RBIS: variants seen among roughly 807,000 people sequenced by gnomAD.
RBIS encodes ribosomal biogenesis factor.
In RBIS, 9 loss-of-function variants were observed where a neutral mutation model predicts 9.8. That is an observed-to-expected ratio of 0.92 (90% confidence interval 0.56 to 1.61). The LOEUF is 1.61. Among genes scored for constraint, RBIS ranks in the 40% most tolerant of loss-of-function variants. RBIS has a pLI of 0.00. For synonymous variants in RBIS, 35 were observed against 37.9 expected, an observed-to-expected ratio of 0.92 and a Z score of 0.28; for missense variants, 103 against 116.0, an observed-to-expected ratio of 0.89 and a Z score of 0.51.
chr8:85,220,146 C>T (rs1207010138), intron 1 of RBIS, among the ~76,000 whole-genome samples, 160 bp downstream of exon 1: 3 of 152,210 alleles, frequency 2.0e-5, no homozygotes, highest in African/African-American at 7.2e-5. Context: ...GCCCAACAAG[C>T]ACCGGGGTTT....
rs1175518512 is a variant in RBIS, at chr8:85,214,703, T to C, written c.232-72A>G. 54 of 984,136 alleles carry C rather than the reference T, an allele frequency of 5.5e-5. 1 individual carries two copies. The highest frequency in any genetic ancestry group is 6.0e-5 in the Non-Finnish European group (37 of 620,380). 61.0% of individuals were successfully genotyped at this position (984,136 alleles called of 1,614,324 possible). A position where few individuals can be genotyped will look rare whatever the true frequency, so the allele number is the denominator to read the frequency against. ...GACAAATGACTTATATAAGCTGTTA[T>C]TCAATTTAATTTTTCTAGTCATATC... On this transcript the variant is annotated intron_variant, in intron 3 of 3. Transcript: ENST00000619594.
At chr8:85,216,910 C>A in intron 2 of RBIS, 1 of 166,206 alleles carries the variant, frequency 6.0e-6, no homozygotes, top group Non-Finnish European at 1.3e-5. Flanking sequence ...GAAAAGAAAC[C>A]CCTTTCAAAT....
Position 85,217,293 on chromosome 8 carries a change from C to A in RBIS, c.114+93G>T, listed in dbSNP as rs772308622. ...TACCTTTCTAGGAAAAATGAAGAAC[C>A]TTTTTAAAAAGTAATAGTATACAGC... is the stretch of plus-strand genomic sequence containing the variant. On this transcript the variant is annotated intron_variant, in intron 2 of 3. Coordinates refer to ENST00000619594, the MANE Select transcript of RBIS (RefSeq NM_001099673.3). 5.0e-6 allele frequency: 4 copies of A among 797,978 alleles called. No homozygotes were observed. In the South Asian group the frequency reaches 5.6e-5, roughly 11 times the overall value. The allele number at this position is 797,978 out of a possible 1,614,324, so 49.4% of individuals were successfully genotyped here. A position where few individuals can be genotyped will look rare whatever the true frequency, so the allele number is the denominator to read the frequency against.
intron 3 of RBIS, 32 bp downstream of exon 3, chr8:85,214,889 G>T: frequency 8.7e-7 from 1 of 1,150,370 alleles, no homozygotes; most frequent in Non-Finnish European, 1.3e-6. Flanking sequence ...CAATTTGTTA[G>T]CCATAAAAAA....
At chr8:85,217,792 A>T (rs1169580947) in intron 1 of RBIS, 1 of 384,926 alleles carries the variant, frequency 2.6e-6, no homozygotes, top group Non-Finnish European at 4.7e-6. Context: ...AATAACTGTT[A>T]TTCTCAGCAG....
rs556208081 is a variant in RBIS at position 85,214,515 on chromosome 8, T to C, written c.*45A>G. 3.2e-6 allele frequency: 4 copies of C among 1,242,308 alleles called. No individual in the cohort carries two copies. In the Admixed American group the frequency reaches 7.6e-5, roughly 24 times the overall value. 77.0% of individuals were successfully genotyped at this position (1,242,308 alleles called of 1,614,324 possible). On this transcript the variant is annotated 3_prime_UTR_variant, in exon 4 of 4. Transcript: ENST00000619594. ...TTAAAAATAAAATTGTATAAAACAT[T>C]CAATTTATTGGTCTTTGTGGAGAAT... is the stretch of plus-strand genomic sequence containing the variant.
At chr8:85,220,275 C>T (rs1284106750) in intron 1 of RBIS, 31 bp downstream of exon 1, 1 of 152,312 alleles carries the variant, frequency 6.6e-6, no homozygotes, top group Non-Finnish European at 1.5e-5. Flanking sequence ...CACGCCAGCC[C>T]TCCAGAAAAC....
At chr8:85,220,045 G>T (rs779998168) in intron 1 of RBIS, among the ~76,000 whole-genome samples, 2 of 152,160 alleles carry the variant, frequency 1.3e-5, no homozygotes, top group Admixed American at 6.5e-5. Context: ...ACTAGTGGGG[G>T]TGTGCGAGTG....
intron 1 of RBIS, chr8:85,217,731 G>A (rs572592219): frequency 1.9e-6 from 1 of 529,570 alleles, no homozygotes; most frequent in Admixed American, 3.4e-5. Flanking sequence ...TGGGCCCATA[G>A]GAGGCATCCA....
intron 2 of RBIS, among the ~76,000 whole-genome samples, chr8:85,216,604 G>T (rs950862919): frequency 2.0e-4 from 31 of 152,058 alleles, no homozygotes; most frequent in African/African-American, 6.8e-4. Context: ...TCTAGTCTTG[G>T]TTTCAATGTG....
intron 1 of RBIS, 72 bp downstream of exon 1, chr8:85,220,234 G>C (rs1384553943): frequency 2.0e-5 from 3 of 152,270 alleles, no homozygotes; most frequent in Admixed American, 2.0e-4. Flanking sequence ...GTACGAGACC[G>C]GCCCAATCCA....
chr8:85,217,340 A>G, intron 2 of RBIS, 46 bp downstream of exon 2: 1 of 1,095,146 alleles, frequency 9.1e-7, no homozygotes, highest in South Asian at 1.2e-5. Context: ...TTACAATGAC[A>G]CTTTGCTTGT....
chr8:85,215,580 A>G (rs941109351), intron 2 of RBIS: 1 of 152,246 alleles, frequency 6.6e-6, no homozygotes, highest in African/African-American at 2.4e-5. Context: ...AAATCTACAA[A>G]AGAACTGGGT....
Position 85,219,234 on chromosome 8 carries a change from A to T in RBIS, c.-4+1072T>A, listed in dbSNP as rs67573812. 114,895 of 152,148 alleles carry T rather than the reference A, an allele frequency of 0.76. 44,169 individuals carry two copies. The highest frequency in any genetic ancestry group is 0.85 in the African/African-American group (35,455 of 41,496). 9.4% of individuals were successfully genotyped at this position (152,148 alleles called of 1,614,324 possible). ...ACACCTTGAACATTCTTCCTTTTTTACCTTTGCTCAGTCGTAGTCTTGACT... is the reference window on the plus strand; with the variant it reads ...ACACCTTGAACATTCTTCCTTTTTTTCCTTTGCTCAGTCGTAGTCTTGACT... On this transcript the variant is annotated intron_variant, in intron 1 of 3. Transcript: ENST00000619594.
At chr8:85,219,949 A>G (rs940310836) in intron 1 of RBIS, among the ~76,000 whole-genome samples, 2 of 152,184 alleles carry the variant, frequency 1.3e-5, no homozygotes, top group Non-Finnish European at 1.5e-5. Flanking sequence ...CCTATAATAT[A>G]CACATGGACC....
intron 2 of RBIS, 158 bp downstream of exon 2, chr8:85,217,224 CCTTT>C (rs896699393): frequency 4.5e-6 from 3 of 664,500 alleles, no homozygotes; most frequent in African/African-American, 3.7e-5. Flanking sequence ...TATTTTTCTT[CCTTT>C]TTTTTTATAT....
intron 2 of RBIS, 149 bp from the exon 3 acceptor site, chr8:85,215,186 G>A: frequency 2.4e-6 from 1 of 425,206 alleles, no homozygotes; most frequent in Non-Finnish European, 4.1e-6. Flanking sequence ...GTCTTATTGG[G>A]AAATTACAGA....
At chr8:85,215,181 A>G in intron 2 of RBIS, 144 bp from the exon 3 acceptor site, 1 of 441,530 alleles carries the variant, frequency 2.3e-6, no homozygotes, top group Non-Finnish European at 4.0e-6. Context: ...TTATAGTCTT[A>G]TTGGGAAATT....
In RBIS at chr8:85,217,407, T is replaced by G; in HGVS notation, c.93A>C (p.Pro31=). 6.2e-7 allele frequency: 1 copy of G among 1,604,696 alleles called. No individual in the cohort carries two copies. Among genetic ancestry groups the G allele is most frequent in the Middle Eastern group, 1.7e-4 (1 of 5,870 alleles). ...KNFKAKNKAK[P]VTTNLKKINI... Reference sequence around the variant, plus strand: ...TCACCTTCTTAAGATTAGTGGTAACTGGTTTTGCTTTGTTTTTAGCCTTAA... The same window carrying G: ...TCACCTTCTTAAGATTAGTGGTAACGGGTTTTGCTTTGTTTTTAGCCTTAA... The change falls in exon 2 of 4, where the codon CCA becomes CCC. Residue 31 remains proline (P), a synonymous_variant. Coordinates refer to ENST00000619594, the MANE Select transcript of RBIS (RefSeq NM_001099673.3).
Sources: gnomAD v4.1 joint callset for allele counts (sites outside exome capture counted in the v4.1 genomes callset) on GRCh38, gnomAD v4.1.1 for gene constraint, MANE v1.5 for transcripts, NCBI Gene and HGNC (gene_info 2026-07-23, HGNC 2026-07-21) for gene names.